Variants in PRELID2 observed in about 807,000 individuals in gnomAD.
The protein encoded by PRELID2 is PRELI domain-containing protein 2.
PRELID2 carries 25 observed loss-of-function variants against 28.4 expected under a neutral mutation model. That is an observed-to-expected ratio of 0.88 (90% CI 0.64 to 1.23). The LOEUF (loss-of-function observed/expected upper bound fraction) is 1.23, where lower values mean the gene tolerates loss of function less well. Among genes scored for constraint, PRELID2 ranks in the 50% most tolerant of loss-of-function variants. The probability of loss-of-function intolerance (pLI) is 0.00; values close to 1 mark genes in which losing one functional copy is unlikely to be tolerated. For synonymous variants in PRELID2, 76 were observed against 71.6 expected (o/e 1.06, Z -0.31); for missense variants, 201 against 214.4 (o/e 0.94, Z 0.39).
At chr5:145,443,004 A>T in the PRELID2 span, among the ~76,000 whole-genome samples, 1 of 151,880 alleles carries the variant, frequency 6.6e-6, no homozygotes, top group African/African-American at 2.4e-5. Flanking sequence ...GGCGCCCCCC[A>T]TGTGTCCGTT....
intron 1 of PRELID2, among the ~76,000 whole-genome samples, chr5:145,598,435 A>G (rs1753342151): frequency 2.0e-5 from 3 of 152,320 alleles, no homozygotes; most frequent in South Asian, 4.1e-4. Context: ...TTGCAGGTAG[A>G]GACAACCAGA....
At chr5:145,277,095 C>T in the PRELID2 span, among the ~76,000 whole-genome samples, 3 of 152,182 alleles carry the variant, frequency 2.0e-5, no homozygotes, top group South Asian at 4.1e-4. Context: ...CTCTGTGCCA[C>T]ACCAAGCCTA....
At chr5:145,443,475 T>C in the PRELID2 span, among the ~76,000 whole-genome samples, 1 of 152,040 alleles carries the variant, frequency 6.6e-6, no homozygotes, top group Non-Finnish European at 1.5e-5. Flanking sequence ...CAAGCCTGGG[T>C]CATATGACTA....
At chr5:145,309,419 G>A in the PRELID2 span, among the ~76,000 whole-genome samples, 1 of 152,158 alleles carries the variant, frequency 6.6e-6, no homozygotes, top group East Asian at 1.9e-4. Flanking sequence ...AAGATAGGGA[G>A]AGAAAGAAAA....
intron 1 of PRELID2, among the ~76,000 whole-genome samples, chr5:145,661,666 T>TAAA (rs567073073): frequency 2.3e-4 from 22 of 97,160 alleles, no homozygotes; most frequent in East Asian, 9.1e-4. Flanking sequence ...AACAAGCCAT[T>TAAA]AAAAAAAAAA....
At chr5:145,489,181 A>G (rs1752246636) in intron 1 of PRELID2, among the ~76,000 whole-genome samples, 1 of 152,164 alleles carries the variant, frequency 6.6e-6, no homozygotes, top group Non-Finnish European at 1.5e-5. Context: ...TATGTATACC[A>G]TGAATATCCT....
chr5:145,824,469 T>TGTGA (rs1554100823), intron 1 of PRELID2, among the ~76,000 whole-genome samples: 3 of 144,102 alleles, frequency 2.1e-5, no homozygotes, highest in African/African-American at 5.1e-5. Context: ...TGTGTGATAT[T>TGTGA]GATTTATTAA....
At chr5:145,342,358 G>A in the PRELID2 span, among the ~76,000 whole-genome samples, 1 of 151,904 alleles carries the variant, frequency 6.6e-6, no homozygotes, top group Non-Finnish European at 1.5e-5. Context: ...AGAAGAGAAA[G>A]GATTCAAATG....
chr5:145,577,846 C>T (rs1322562003), intron 1 of PRELID2, among the ~76,000 whole-genome samples: 1 of 152,118 alleles, frequency 6.6e-6, no homozygotes, highest in Non-Finnish European at 1.5e-5. Flanking sequence ...AGGCAAGTAT[C>T]ATATGTACTT....
chr5:145,415,503 T>A, the PRELID2 span, among the ~76,000 whole-genome samples: 1 of 148,390 alleles, frequency 6.7e-6, no homozygotes, highest in African/African-American at 2.5e-5. Context: ...ATTGTTCAAT[T>A]CCCATCTATG....
the PRELID2 span, among the ~76,000 whole-genome samples, chr5:145,297,248 T>C: frequency 6.6e-6 from 1 of 152,084 alleles, no homozygotes; most frequent in East Asian, 1.9e-4. Flanking sequence ...TTTGGTGTTT[T>C]AGACATGAAG....
chr5:145,464,245 G>A, the PRELID2 span, among the ~76,000 whole-genome samples: 2 of 152,116 alleles, frequency 1.3e-5, no homozygotes, highest in South Asian at 2.1e-4. Context: ...TGCAGCAATC[G>A]AGCATCCCTT....
At chr5:145,689,139 A>G (rs62392301) in intron 1 of PRELID2, among the ~76,000 whole-genome samples, 27,247 of 151,964 alleles carry the variant, frequency 0.18, 4,084 homozygotes, top group African/African-American at 0.4. Context: ...TGGAGAGATC[A>G]AGCCCAAACC....
chr5:145,386,371 A>G, the PRELID2 span, among the ~76,000 whole-genome samples: 17 of 152,244 alleles, frequency 1.1e-4, no homozygotes, highest in African/African-American at 3.9e-4. Flanking sequence ...GGATGAAGAC[A>G]CAGCCAAATC....
intron 1 of PRELID2, among the ~76,000 whole-genome samples, chr5:145,507,584 T>C (rs2126638401): frequency 6.6e-6 from 1 of 152,286 alleles, no homozygotes; most frequent in Middle Eastern, 3.4e-3. Context: ...CAGTCCCCAT[T>C]GTCACCCAGG....
intron 5 of PRELID2, among the ~76,000 whole-genome samples, chr5:145,793,804 G>A (rs1752558497): frequency 6.6e-6 from 1 of 152,028 alleles, no homozygotes; most frequent in Admixed American, 6.6e-5. Context: ...TTGGGAGAAG[G>A]GAATAAGAAT....
At chr5:145,540,390 A>G (rs1241354692) in intron 1 of PRELID2, among the ~76,000 whole-genome samples, 1 of 152,054 alleles carries the variant, frequency 6.6e-6, no homozygotes, top group Non-Finnish European at 1.5e-5. Flanking sequence ...ACACTAGTAT[A>G]CAAAGATATC....
At chr5:145,700,981 G>A (rs1329633521) in intron 1 of PRELID2, among the ~76,000 whole-genome samples, 1 of 152,146 alleles carries the variant, frequency 6.6e-6, no homozygotes, top group African/African-American at 2.4e-5. Context: ...GCCACTGGGA[G>A]CCAGGCTCTG....
the PRELID2 span, among the ~76,000 whole-genome samples, chr5:145,315,568 GT>G: frequency 6.6e-6 from 1 of 151,476 alleles, no homozygotes; most frequent in Non-Finnish European, 1.5e-5. Context: ...GTGTGTGTGT[GT>G]GTGTGTGTGT....
Sources: gnomAD v4.1 joint callset for allele counts (sites outside exome capture counted in the v4.1 genomes callset) on GRCh38, gnomAD v4.1.1 for gene constraint, MANE v1.5 for transcripts, NCBI Gene and HGNC (gene_info 2026-07-23, HGNC 2026-07-21) for gene names.